ABCD2: variants seen among roughly 807,000 people sequenced by gnomAD.
ABCD2 encodes the protein ATP binding cassette subfamily D member 2.
A neutral mutation model predicts 70.9 loss-of-function variants in ABCD2; 36 were observed. The observed-to-expected ratio is 0.51, with a 90% CI of 0.39 to 0.67. The LOEUF is 0.67. ABCD2 is among the 30% of genes least tolerant of loss of function. The pLI is 0.00. For synonymous variants in ABCD2, 304 were observed against 306.9 expected (o/e 0.99, Z 0.10); for missense variants, 729 against 890.2 (o/e 0.82, Z 2.30).
At chr12:39,537,600 A>G in the ABCD2 span, among the ~76,000 whole-genome samples, 2 of 152,210 alleles carry the variant, frequency 1.3e-5, no homozygotes, top group African/African-American at 2.4e-5. Flanking sequence ...GAGTCTTTCA[A>G]TCATTATCAG....
chr12:39,598,403 A>G (rs1050908419), intron 6 of ABCD2, among the ~76,000 whole-genome samples: 14 of 152,168 alleles, frequency 9.2e-5, no homozygotes, highest in African/African-American at 1.7e-4. Flanking sequence ...AAATTAGATT[A>G]TATATACATT....
chr12:39,583,549 CAT>C (rs1333583627), intron 7 of ABCD2, among the ~76,000 whole-genome samples: 1 of 152,090 alleles, frequency 6.6e-6, no homozygotes, highest in African/African-American at 2.4e-5. Context: ...CTTGGGGGCA[CAT>C]GTGAAGTTTT....
At chr12:39,573,904 A>G (rs1941482344) in intron 8 of ABCD2, 63 bp from the exon 9 acceptor site, 5 of 1,495,772 alleles carry the variant, frequency 3.3e-6, no homozygotes, top group Admixed American at 3.8e-5. Context: ...TTTTCTTTGG[A>G]CAATATGAGT....
intron 8 of ABCD2, among the ~76,000 whole-genome samples, chr12:39,576,601 AATAAC>A (rs1941521241): frequency 6.6e-6 from 1 of 152,172 alleles, no homozygotes; most frequent in Admixed American, 6.5e-5. Flanking sequence ...CATTATTATA[AATAAC>A]ATGTTATGAA....
chr12:39,594,311 C>T (rs1282697706), intron 6 of ABCD2, among the ~76,000 whole-genome samples: 3 of 151,458 alleles, frequency 2.0e-5, no homozygotes, highest in African/African-American at 7.3e-5. Flanking sequence ...ATACTAATAC[C>T]AACTTTATAG....
At chr12:39,565,782 A>T (rs543588823) in intron 9 of ABCD2, among the ~76,000 whole-genome samples, 22 of 152,162 alleles carry the variant, frequency 1.4e-4, no homozygotes, top group Admixed American at 3.9e-4. Flanking sequence ...AGATAGCTCT[A>T]ATTATTTTGA....
chr12:39,540,285 G>T, the ABCD2 span, among the ~76,000 whole-genome samples: 13 of 152,106 alleles, frequency 8.5e-5, no homozygotes, highest in South Asian at 2.5e-3. Flanking sequence ...TTCTTATCTT[G>T]CCCAAATTCC....
At chr12:39,574,652 A>G (rs1163118023) in intron 8 of ABCD2, among the ~76,000 whole-genome samples, 1 of 152,148 alleles carries the variant, frequency 6.6e-6, no homozygotes. Context: ...GTTAATGGGA[A>G]CAAAGTCAAC....
chr12:39,607,216 A>G (rs1941980571), intron 3 of ABCD2, among the ~76,000 whole-genome samples: 1 of 152,188 alleles, frequency 6.6e-6, no homozygotes, highest in Non-Finnish European at 1.5e-5. Context: ...CAGTGTTATC[A>G]TATCCCCATT....
chr12:39,544,454 G>A, the ABCD2 span, among the ~76,000 whole-genome samples: 1 of 152,168 alleles, frequency 6.6e-6, no homozygotes, highest in Non-Finnish European at 1.5e-5. Context: ...AAGGAGGTCT[G>A]CTTTGGGAAA....
downstream of ABCD2, among the ~76,000 whole-genome samples, chr12:39,546,187 T>C (rs1323907520): frequency 1.3e-5 from 2 of 152,138 alleles, no homozygotes; most frequent in African/African-American, 4.8e-5. Context: ...ATAATGTGGG[T>C]TTAATACACA....
chr12:39,549,248 A>C (rs892523453), downstream of ABCD2, among the ~76,000 whole-genome samples: 1 of 152,020 alleles, frequency 6.6e-6, no homozygotes, highest in African/African-American at 2.4e-5. Context: ...TATTGAGGGA[A>C]TCCTGCTGCC....
At chr12:39,536,740 C>T in the ABCD2 span, among the ~76,000 whole-genome samples, 1 of 152,084 alleles carries the variant, frequency 6.6e-6, no homozygotes, top group African/African-American at 2.4e-5. Context: ...CTTTCCATCC[C>T]CCTAAATGTT....
At chr12:39,614,394 A>G (rs904193482) in intron 2 of ABCD2, among the ~76,000 whole-genome samples, 1 of 152,206 alleles carries the variant, frequency 6.6e-6, no homozygotes, top group South Asian at 2.1e-4. Flanking sequence ...ACTGATGTAC[A>G]TAAAGTGTAT....
chr12:39,531,824 G>A, the ABCD2 span, among the ~76,000 whole-genome samples: 3 of 152,244 alleles, frequency 2.0e-5, no homozygotes, highest in African/African-American at 7.2e-5. Flanking sequence ...TCTAGTCTTT[G>A]TGACAACCCC....
chr12:39,576,791 AG>A (rs1182335325), intron 8 of ABCD2, among the ~76,000 whole-genome samples: 1 of 152,162 alleles, frequency 6.6e-6, no homozygotes, highest in African/African-American at 2.4e-5. Flanking sequence ...TAAACTTCCC[AG>A]GGTAACAGAA....
intron 6 of ABCD2, among the ~76,000 whole-genome samples, chr12:39,590,273 G>A (rs1941728363): frequency 6.6e-6 from 1 of 152,114 alleles, no homozygotes; most frequent in Admixed American, 6.5e-5. Flanking sequence ...ATTTCAGGTA[G>A]ATCAATTACC....
intron 2 of ABCD2, among the ~76,000 whole-genome samples, chr12:39,608,079 G>T (rs1352622372): frequency 6.6e-6 from 1 of 151,752 alleles, no homozygotes; most frequent in African/African-American, 2.4e-5. Flanking sequence ...GAGGCAGGAG[G>T]ATCACTTGAA....
chr12:39,549,119 T>G (rs1045954153), downstream of ABCD2, among the ~76,000 whole-genome samples: 1 of 151,984 alleles, frequency 6.6e-6, no homozygotes, highest in Non-Finnish European at 1.5e-5. Flanking sequence ...CAAGACAACA[T>G]GCTAAATACA....
Sources: allele counts gnomAD v4.1 joint callset (sites outside exome capture counted in the v4.1 genomes callset), GRCh38; gene constraint gnomAD v4.1.1; transcripts MANE v1.5; gene names NCBI Gene and HGNC (gene_info 2026-07-23, HGNC 2026-07-21).